Variants in TSGA10 observed in about 807,000 individuals in gnomAD.
The protein encoded by TSGA10 is testis-specific gene 10 protein.
A neutral mutation model predicts 96.6 loss-of-function variants in TSGA10; 43 were observed. The ratio of observed to expected loss-of-function variants is 0.44; its 90% confidence interval spans 0.35 to 0.57. The LOEUF (loss-of-function observed/expected upper bound fraction) is 0.57, where lower values mean the gene tolerates loss of function less well. Ranked by LOEUF, TSGA10 falls within the 20% of genes least tolerant of loss-of-function variation. The pLI is 0.01. For missense variants in TSGA10, 703 were observed against 834.4 expected, an observed-to-expected ratio of 0.84 and a Z score of 1.94; for synonymous variants, 229 against 269.9, an observed-to-expected ratio of 0.85 and a Z score of 1.48.
At chr2:99,061,886 C>A (rs1339579951) in intron 16 of TSGA10, among the ~76,000 whole-genome samples, 1 of 152,052 alleles carries the variant, frequency 6.6e-6, no homozygotes, top group African/African-American at 2.4e-5. Context: ...TGACTGGTGT[C>A]CTTATAAGAA....
At position 99,073,057 on chromosome 2, in the gene TSGA10, C is replaced by A; in HGVS notation, c.899G>T (p.Gly300Val). The change falls in exon 13 of 21, where the codon GGC becomes GTC. Residue 300 changes from glycine (G) to valine (V), a missense_variant. Around this residue, in one of 3 missense-constraint regions of TSGA10, gnomAD observed 585 missense variants for 656.8 expected, o/e 0.89. Coordinates refer to ENST00000393483, the MANE Select transcript of TSGA10 (RefSeq NM_025244.4). ...SLAMKEKTIS[G>V]MKNIIAEMEQ... ...CATCTCAGCAATGATATTCTTCATG[C>A]CTGAAATGGTCTTTTCCTTGAAAAA... is the stretch of plus-strand genomic sequence containing the variant. 1 of 1,603,068 alleles carries A rather than the reference C, an allele frequency of 6.2e-7. No individual in the cohort carries two copies. The highest frequency in any genetic ancestry group is 1.3e-5 in the African/African-American group (1 of 74,764).
chr2:99,127,576 T>C (rs1011360154), intron 1 of TSGA10, among the ~76,000 whole-genome samples: 2 of 152,150 alleles, frequency 1.3e-5, no homozygotes, highest in African/African-American at 2.4e-5. Context: ...TTCCTGAATA[T>C]AGAAATAATC....
intron 16 of TSGA10, among the ~76,000 whole-genome samples, chr2:99,052,777 A>C (rs919003872): frequency 5.3e-5 from 8 of 151,546 alleles, no homozygotes; most frequent in Non-Finnish European, 1.2e-4. Flanking sequence ...ATAAATAAAT[A>C]AATAAATCTT....
chr2:99,128,393 T>C (rs989148195), intron 1 of TSGA10, among the ~76,000 whole-genome samples: 7 of 152,258 alleles, frequency 4.6e-5, no homozygotes, highest in Admixed American at 1.3e-4. Flanking sequence ...TCTTACATGG[T>C]TTCTGTTAAA....
At chr2:99,095,529 T>C (rs1283438044) in intron 10 of TSGA10, among the ~76,000 whole-genome samples, 1 of 152,174 alleles carries the variant, frequency 6.6e-6, no homozygotes. Context: ...CAAAAAAGTA[T>C]ATACTTTATA....
At chr2:99,102,619 C>T in intron 10 of TSGA10, 2 of 1,614,070 alleles carry the variant, frequency 1.2e-6, no homozygotes, top group African/African-American at 1.3e-5. Context: ...ATTACAACTA[C>T]TTTTAGGCCT....
chr2:99,091,725 T>C (rs1052250894), intron 10 of TSGA10, among the ~76,000 whole-genome samples: 1 of 152,090 alleles, frequency 6.6e-6, no homozygotes, highest in East Asian at 1.9e-4. Flanking sequence ...TATATAATGA[T>C]AAAAGGCCTT....
chr2:99,062,429 C>A (rs999261513), intron 16 of TSGA10, among the ~76,000 whole-genome samples: 2 of 152,140 alleles, frequency 1.3e-5, no homozygotes, highest in African/African-American at 4.8e-5. Flanking sequence ...GTCCCCTGCA[C>A]ATTGGAAAGT....
chr2:99,018,373 A>G (rs747032257), intron 19 of TSGA10, 24 bp from the exon 20 acceptor site: 1 of 1,607,310 alleles, frequency 6.2e-7, no homozygotes, highest in Non-Finnish European at 8.5e-7. Flanking sequence ...GTGATGCTTT[A>G]AATTTTATAT....
chr2:99,060,567 GT>G (rs894441054), intron 16 of TSGA10, among the ~76,000 whole-genome samples: 14 of 151,942 alleles, frequency 9.2e-5, no homozygotes, highest in African/African-American at 1.2e-4. Flanking sequence ...CCCCAAGTAG[GT>G]TTTTTTTCTG....
intron 16 of TSGA10, among the ~76,000 whole-genome samples, chr2:99,056,356 A>G (rs572238065): frequency 1.3e-5 from 2 of 152,320 alleles, no homozygotes; most frequent in African/African-American, 4.8e-5. Context: ...TAGTAACGCA[A>G]TCCTTACATA....
chr2:99,044,042 T>C (rs919746441), intron 16 of TSGA10, among the ~76,000 whole-genome samples: 1 of 151,898 alleles, frequency 6.6e-6, no homozygotes, highest in Non-Finnish European at 1.5e-5. Flanking sequence ...TAAAATTGGA[T>C]AGGAAAAACT....
rs527332312 is a variant in TSGA10, at chr2:99,110,690, A to AT, written c.-74+159dup. On this transcript the variant is annotated intron_variant, in intron 5 of 20. Transcript: ENST00000393483. The stretch of plus-strand genomic sequence containing the variant: ...CAGCAAAAAAAAGTCACTCTTACAG[A>AT]TGGGGGTTCCCCTGTGTCCCTAGCA... 1.2e-3 allele frequency among the ~76,000 whole-genome samples: 188 copies of AT among 152,320 alleles called. 1 individual carries two copies. Among genetic ancestry groups the AT allele is most frequent in the African/African-American group, 3.8e-3 (156 of 41,580 alleles).
intron 7 of TSGA10, 113 bp from the exon 8 acceptor site, chr2:99,105,810 G>A (rs1298820745): frequency 1.5e-6 from 1 of 654,898 alleles, no homozygotes; most frequent in South Asian, 3.5e-5. Flanking sequence ...GCATGCAGCA[G>A]GGTAATGGTA....
At chr2:99,067,195 T>C (rs1055697114) in intron 15 of TSGA10, among the ~76,000 whole-genome samples, 2 of 152,162 alleles carry the variant, frequency 1.3e-5, no homozygotes, top group Admixed American at 6.5e-5. Context: ...TCTCCATTTT[T>C]CATCTCTGGC....
At chr2:99,123,230 A>T (rs968906630) in intron 2 of TSGA10, among the ~76,000 whole-genome samples, 2 of 152,122 alleles carry the variant, frequency 1.3e-5, no homozygotes, top group African/African-American at 4.8e-5. Flanking sequence ...GACTCCTGTT[A>T]GGTATTCCAT....
At chr2:99,100,820 A>AG (rs35653011) in intron 10 of TSGA10, among the ~76,000 whole-genome samples, 1 of 29,620 alleles carries the variant, frequency 3.4e-5, no homozygotes, top group East Asian at 6.0e-3. Context: ...ACTCCGTCTC[A>AG]AAAAAAAAAA....
chr2:99,052,748 A>C (rs985939744), intron 16 of TSGA10, among the ~76,000 whole-genome samples: 1 of 150,900 alleles, frequency 6.6e-6, no homozygotes, highest in Non-Finnish European at 1.5e-5. Context: ...AATTTAAAAA[A>C]AAAAATTAAA....
At chr2:99,046,412 A>G (rs1014476968) in intron 16 of TSGA10, among the ~76,000 whole-genome samples, 7 of 152,210 alleles carry the variant, frequency 4.6e-5, no homozygotes, top group Non-Finnish European at 1.0e-4. Flanking sequence ...CTCAGGATGA[A>G]GAAGCTCACT....
Sources: gnomAD v4.1 joint callset for allele counts (sites outside exome capture counted in the v4.1 genomes callset) on GRCh38, gnomAD v4.1.1 for gene constraint, gnomAD v4.1.1 regional missense constraint, MANE v1.5 for transcripts, NCBI Gene and HGNC (gene_info 2026-07-23, HGNC 2026-07-21) for gene names.